Variants in EPHB1 observed in about 807,000 individuals in gnomAD.
The protein encoded by EPHB1 is ephrin type-B receptor 1.
A neutral mutation model predicts 94.4 loss-of-function variants in EPHB1; 30 were observed. The observed-to-expected ratio is 0.32, with a 90% CI of 0.24 to 0.43. EPHB1 has a LOEUF of 0.43. EPHB1 is among the 20% of genes least tolerant of loss of function. The probability of loss-of-function intolerance (pLI) is 1.00; values close to 1 mark genes in which losing one functional copy is unlikely to be tolerated. For synonymous variants in EPHB1, 522 were observed against 489.1 expected (o/e 1.07, Z -0.89); for missense variants, 1,055 against 1,308.3 (o/e 0.81, Z 2.99).
intron 1 of EPHB1, among the ~76,000 whole-genome samples, chr3:134,896,595 T>C (rs1445911957): frequency 6.6e-6 from 1 of 152,244 alleles, no homozygotes; most frequent in African/African-American, 2.4e-5. Context: ...AAGGGCCTGC[T>C]CCTTCATCGA....
intron 3 of EPHB1, among the ~76,000 whole-genome samples, chr3:135,079,774 C>A (rs1039702370): frequency 6.6e-6 from 1 of 152,092 alleles, no homozygotes; most frequent in Non-Finnish European, 1.5e-5. Flanking sequence ...GTCTCAGAGG[C>A]ACTGCAGAGG....
At chr3:134,995,712 A>G (rs1159214310) in intron 3 of EPHB1, among the ~76,000 whole-genome samples, 1 of 152,262 alleles carries the variant, frequency 6.6e-6, no homozygotes, top group Admixed American at 6.5e-5. Flanking sequence ...AAAATGGTAC[A>G]ACCACTTTAA....
At chr3:135,258,200 G>A (rs563835301) in intron 15 of EPHB1, among the ~76,000 whole-genome samples, 1 of 152,348 alleles carries the variant, frequency 6.6e-6, no homozygotes, top group South Asian at 2.1e-4. Context: ...GTAGACTGGA[G>A]CTGTTCCTAT....
At chr3:135,060,896 ATT>A (rs575388733) in intron 3 of EPHB1, among the ~76,000 whole-genome samples, 2 of 145,718 alleles carry the variant, frequency 1.4e-5, no homozygotes, top group Admixed American at 6.9e-5. Flanking sequence ...CATTCTTTCT[ATT>A]TTTTTTTTTG....
At chr3:135,152,818 A>G (rs758719981) in intron 5 of EPHB1, among the ~76,000 whole-genome samples, 3 of 152,188 alleles carry the variant, frequency 2.0e-5, no homozygotes, top group Non-Finnish European at 4.4e-5. Context: ...TGGACTGCAG[A>G]GTGCAGGAAC....
At chr3:135,245,536 A>AAAAAAAAAAAAC (rs1943898972) in intron 13 of EPHB1, among the ~76,000 whole-genome samples, 1 of 127,070 alleles carries the variant, frequency 7.9e-6, no homozygotes, top group African/African-American at 2.8e-5. Context: ...AAAAAAAAAA[A>AAAAAAAAAAAAC]TCGGCCCGTG....
At chr3:134,804,666 ACTT>A (rs2036002874) in intron 1 of EPHB1, among the ~76,000 whole-genome samples, 1 of 151,856 alleles carries the variant, frequency 6.6e-6, no homozygotes, top group East Asian at 1.9e-4. Context: ...CACTTCTACA[ACTT>A]CTTCTCTGTG....
intron 3 of EPHB1, among the ~76,000 whole-genome samples, chr3:135,070,715 T>C (rs908038231): frequency 6.6e-6 from 1 of 152,226 alleles, no homozygotes; most frequent in Non-Finnish European, 1.5e-5. Flanking sequence ...TTAATAATTT[T>C]ATAATGTATC....
intron 3 of EPHB1, among the ~76,000 whole-genome samples, chr3:135,099,963 G>C (rs1289969119): frequency 6.6e-6 from 1 of 152,222 alleles, no homozygotes; most frequent in African/African-American, 2.4e-5. Flanking sequence ...GAGGCAGGCT[G>C]ACTTCCCTGA....
intron 12 of EPHB1, among the ~76,000 whole-genome samples, chr3:135,239,966 C>G (rs1943741247): frequency 6.6e-6 from 1 of 152,092 alleles, no homozygotes; most frequent in African/African-American, 2.4e-5. Flanking sequence ...GTTACTTGCC[C>G]CCGCCGCACA....
chr3:134,874,283 G>A (rs942810258), intron 1 of EPHB1, among the ~76,000 whole-genome samples: 5 of 152,200 alleles, frequency 3.3e-5, no homozygotes, highest in African/African-American at 4.8e-5. Flanking sequence ...GCCGAACACC[G>A]CATGTTCTCA....
chr3:135,227,750 AT>A (rs945877111), intron 12 of EPHB1, among the ~76,000 whole-genome samples: 1 of 152,220 alleles, frequency 6.6e-6, no homozygotes, highest in Non-Finnish European at 1.5e-5. Context: ...TTTTAAAAAA[AT>A]AATGTCAAAC....
At chr3:134,798,200 G>C (rs2035867223) in intron 1 of EPHB1, among the ~76,000 whole-genome samples, 1 of 152,206 alleles carries the variant, frequency 6.6e-6, no homozygotes, top group Non-Finnish European at 1.5e-5. Context: ...TTGCCATCCA[G>C]GGCAAATTGC....
chr3:135,198,392 A>G (rs1386392707), intron 11 of EPHB1, among the ~76,000 whole-genome samples: 1 of 152,206 alleles, frequency 6.6e-6, no homozygotes, highest in East Asian at 1.9e-4. Context: ...GGATCTAAAC[A>G]TATTCTGTAA....
In EPHB1 at chr3:135,076,260, T is replaced by TATATATATATATATAA. The variant is rs1424213544; in HGVS notation, c.806-30187_806-30186insTATATATATATATAAA. ...ATATATATATATATATATATATATA[T>TATATATATATATATAA]AACTCTTAAATGCATTAGTAAAAAG... On this transcript the variant is annotated intron_variant, in intron 3 of 15. Coordinates refer to ENST00000398015, the MANE Select transcript of EPHB1 (RefSeq NM_004441.5). Among the ~76,000 whole-genome samples the TATATATATATATATAA allele has an allele frequency of 1.1e-3, 114 of 104,338 alleles. 5 individuals are homozygous for TATATATATATATATAA. Among genetic ancestry groups the TATATATATATATATAA allele is most frequent in the African/African-American group, 3.7e-3 (101 of 27,642 alleles). 68.4% of individuals were successfully genotyped at this position (104,338 alleles called of 152,430 possible).
intron 2 of EPHB1, among the ~76,000 whole-genome samples, chr3:134,949,459 T>G (rs1932932288): frequency 2.0e-5 from 3 of 152,134 alleles, no homozygotes; most frequent in African/African-American, 7.2e-5. Context: ...TTCACTCAGG[T>G]TTAGAGGACA....
intron 3 of EPHB1, among the ~76,000 whole-genome samples, chr3:135,033,257 A>T (rs4955538): frequency 1.3e-5 from 2 of 152,022 alleles, no homozygotes; most frequent in Admixed American, 1.3e-4. Context: ...GCTTAAAGAC[A>T]GAGAGACAGT....
intron 12 of EPHB1, among the ~76,000 whole-genome samples, chr3:135,226,711 A>G (rs1943412496): frequency 1.3e-5 from 2 of 152,166 alleles, no homozygotes; most frequent in Non-Finnish European, 2.9e-5. Context: ...GAAGGGGCTT[A>G]TTGGTCCAAC....
At chr3:134,922,511 G>C (rs530376264) in intron 1 of EPHB1, among the ~76,000 whole-genome samples, 2 of 152,332 alleles carry the variant, frequency 1.3e-5, no homozygotes, top group African/African-American at 4.8e-5. Context: ...ACTAGAGCAG[G>C]TGATCATGAC....
Sources: gnomAD v4.1 joint callset for allele counts (sites outside exome capture counted in the v4.1 genomes callset) on GRCh38, gnomAD v4.1.1 for gene constraint, MANE v1.5 for transcripts, NCBI Gene and HGNC (gene_info 2026-07-23, HGNC 2026-07-21) for gene names.